Variants in PEX5L observed in about 807,000 individuals in gnomAD.
PEX5L encodes the protein PEX5-related protein.
PEX5L carries 30 observed loss-of-function variants against 84.0 expected under a neutral mutation model. The observed-to-expected ratio is 0.36, with a 90% CI of 0.27 to 0.48. The LOEUF (loss-of-function observed/expected upper bound fraction) is 0.48. Among genes scored for constraint, PEX5L ranks in the 20% least tolerant of loss-of-function variants. PEX5L has a pLI of 0.99. For missense variants in PEX5L, 533 were observed against 754.6 expected, an observed-to-expected ratio of 0.71 and a Z score of 3.44; for synonymous variants, 270 against 283.1, an observed-to-expected ratio of 0.95 and a Z score of 0.46.
At chr3:179,806,870 T>G (rs1721497180) in intron 14 of PEX5L, among the ~76,000 whole-genome samples, 1 of 152,242 alleles carries the variant, frequency 6.6e-6, no homozygotes, top group Admixed American at 6.5e-5. Flanking sequence ...CAGGCTTGTC[T>G]GATTATTAAA....
intron 7 of PEX5L, among the ~76,000 whole-genome samples, chr3:179,860,127 G>GT (rs3836470): frequency 0.41 from 62,444 of 151,760 alleles, 13,185 homozygotes; most frequent in Non-Finnish European, 0.47. Flanking sequence ...TTTGTTTTTT[G>GT]TTTTTTTTGG....
chr3:179,940,345 G>C (rs1212356845), intron 2 of PEX5L, among the ~76,000 whole-genome samples: 1 of 152,100 alleles, frequency 6.6e-6, no homozygotes, highest in African/African-American at 2.4e-5. Context: ...TGGTGAGAGA[G>C]AGAGAAGAGT....
At chr3:179,991,680 G>A (rs1787390371) in intron 1 of PEX5L, among the ~76,000 whole-genome samples, 1 of 152,028 alleles carries the variant, frequency 6.6e-6, no homozygotes, top group Non-Finnish European at 1.5e-5. Context: ...ATTCACATGC[G>A]TCTTCCATCT....
At chr3:179,874,239 A>C in intron 7 of PEX5L, 88 bp downstream of exon 7, 1 of 762,982 alleles carries the variant, frequency 1.3e-6, no homozygotes, top group Non-Finnish European at 2.1e-6. Flanking sequence ...AAATACTTCA[A>C]ACTTTTTGTA....
Position 179,850,642 on chromosome 3 carries a change from G to T in PEX5L, c.822+8420C>A, listed in dbSNP as rs371659012. 1.6e-4 allele frequency among the ~76,000 whole-genome samples: 24 copies of T among 152,278 alleles called. 1 individual carries two copies. The East Asian group carries it at 3.1e-3, about 20-fold the overall frequency. Reference sequence around the variant, plus strand: ...ATTTATCTACATTTGACTTGTGAAGGATGTTAGCTAACATGACAAACCAAT... The same window carrying T: ...ATTTATCTACATTTGACTTGTGAAGTATGTTAGCTAACATGACAAACCAAT... On this transcript the variant is annotated intron_variant, in intron 8 of 14. Transcript: ENST00000467460.
intron 2 of PEX5L, among the ~76,000 whole-genome samples, chr3:179,925,013 T>C (rs1771005674): frequency 6.6e-6 from 1 of 152,210 alleles, no homozygotes; most frequent in Admixed American, 6.5e-5. Flanking sequence ...TGGAAGGCTG[T>C]GTGCAGAATC....
At chr3:179,900,705 G>A in intron 2 of PEX5L, 2 of 1,535,670 alleles carry the variant, frequency 1.3e-6, no homozygotes, top group Admixed American at 2.0e-5. Context: ...TGAAGACAGT[G>A]CCACTTTTTC....
chr3:179,859,221 G>A (rs1243968279), intron 7 of PEX5L, 64 bp from the exon 8 acceptor site: 3 of 1,237,778 alleles, frequency 2.4e-6, no homozygotes, highest in Admixed American at 3.6e-5. Flanking sequence ...GAAATATACA[G>A]GTGCTTTTCC....
Position 179,815,918 on chromosome 3 carries a change from C to A in PEX5L, c.1026G>T (p.Leu342=), listed in dbSNP as rs568843922. The stretch of plus-strand genomic sequence containing the variant: ...CTTCCATGAACAGGATGGTGACTGG[C>A]AGATCCCCTTCCTTCAGCCTTTTTA... ...EGLKRLKEGD[L]PVTILFMEAA... is the part of the protein sequence containing the mutation. Residue 342 remains leucine, a synonymous_variant, in exon 10 of 15, where the codon CTG becomes CTT. Coordinates refer to ENST00000467460, the MANE Select transcript of PEX5L (RefSeq NM_016559.3). 29 of 1,614,158 alleles carry A rather than the reference C, an allele frequency of 1.8e-5. No individual in the cohort carries two copies. The East Asian group carries it at 6.0e-4, about 33-fold the overall frequency.
At chr3:179,973,150 T>C (rs1413421676) in intron 1 of PEX5L, 1 of 1,286,844 alleles carries the variant, frequency 7.8e-7, no homozygotes, top group South Asian at 1.2e-5. Context: ...TATTGATCTG[T>C]ATACGTACCA....
intron 7 of PEX5L, among the ~76,000 whole-genome samples, chr3:179,859,997 T>A (rs77995697): frequency 0.027 from 4,188 of 152,356 alleles, 184 homozygotes; most frequent in African/African-American, 0.096. Context: ...ACATAAACAT[T>A]TAAACACATA....
At chr3:179,830,630 C>G (rs779571509) in intron 8 of PEX5L, among the ~76,000 whole-genome samples, 4 of 152,126 alleles carry the variant, frequency 2.6e-5, no homozygotes, top group Non-Finnish European at 5.9e-5. Context: ...CAAAATCATC[C>G]CATATTTTCC....
chr3:179,895,329 A>C (rs1218135688), intron 3 of PEX5L, among the ~76,000 whole-genome samples: 1 of 152,134 alleles, frequency 6.6e-6, no homozygotes, highest in East Asian at 1.9e-4. Flanking sequence ...CAGGAGCCAC[A>C]TAAAGCTCAG....
chr3:179,864,752 A>T (rs1319580164), intron 7 of PEX5L, among the ~76,000 whole-genome samples: 1 of 152,194 alleles, frequency 6.6e-6, no homozygotes, highest in Non-Finnish European at 1.5e-5. Context: ...GCCATTTTAC[A>T]AAGTATATAT....
chr3:179,959,427 C>A (rs78953033), intron 2 of PEX5L, among the ~76,000 whole-genome samples: 1 of 152,142 alleles, frequency 6.6e-6, no homozygotes, highest in Admixed American at 6.6e-5. Context: ...CCAACCATAC[C>A]GGCTTCTTAA....
At chr3:179,816,885 C>A (rs978971873) in intron 9 of PEX5L, among the ~76,000 whole-genome samples, 1 of 151,588 alleles carries the variant, frequency 6.6e-6, no homozygotes, top group Non-Finnish European at 1.5e-5. Flanking sequence ...CAAAAAGTTA[C>A]CTGTAATGCC....
chr3:179,874,220 A>G (rs1751362407), intron 7 of PEX5L, 107 bp downstream of exon 7: 1 of 602,104 alleles, frequency 1.7e-6, no homozygotes, highest in Non-Finnish European at 2.9e-6. Flanking sequence ...ATGAAACGCA[A>G]TGTACAAAAA....
chr3:179,823,028 G>A (rs1283911697), intron 8 of PEX5L, among the ~76,000 whole-genome samples: 2 of 152,292 alleles, frequency 1.3e-5, no homozygotes, highest in African/African-American at 2.4e-5. Context: ...ACAACTAAAT[G>A]AGAAAATGCA....
chr3:179,999,960 C>T (rs776853062), intron 1 of PEX5L, among the ~76,000 whole-genome samples: 3 of 152,144 alleles, frequency 2.0e-5, no homozygotes, highest in Non-Finnish European at 4.4e-5. Flanking sequence ...CTCCAGAAGG[C>T]CATGTATGCT....
Sources: allele counts gnomAD v4.1 joint callset (sites outside exome capture counted in the v4.1 genomes callset), GRCh38; gene constraint gnomAD v4.1.1; transcripts MANE v1.5; gene names NCBI Gene and HGNC (gene_info 2026-07-23, HGNC 2026-07-21).